SPECC1: variants seen among roughly 807,000 people sequenced by gnomAD.
SPECC1 encodes cytospin-B.
A neutral mutation model predicts 104.1 loss-of-function variants in SPECC1; 62 were observed. The observed-to-expected ratio is 0.60, with a 90% confidence interval of 0.49 to 0.74. The LOEUF is 0.74. SPECC1 is among the 30% of genes least tolerant of loss of function. The probability of loss-of-function intolerance (pLI) is 0.00; values close to 1 mark genes in which losing one functional copy is unlikely to be tolerated. For synonymous variants in SPECC1, 513 were observed against 501.6 expected, an observed-to-expected ratio of 1.02 and a Z score of -0.30; for missense variants, 1,306 against 1,310.5, an observed-to-expected ratio of 1.00 and a Z score of 0.05.
intron 3 of SPECC1, among the ~76,000 whole-genome samples, chr17:20,126,098 A>G (rs987903530): frequency 6.7e-6 from 1 of 149,510 alleles, no homozygotes; most frequent in African/African-American, 2.5e-5. Context: ...ATCTTTGCCA[A>G]CTCTTTCCAT....
chr17:20,286,438 C>A (rs1195318192), intron 12 of SPECC1, among the ~76,000 whole-genome samples: 1 of 152,196 alleles, frequency 6.6e-6, no homozygotes, highest in Non-Finnish European at 1.5e-5. Context: ...TGTGTTTCTT[C>A]TTAGTTTTGG....
At chr17:20,131,798 C>A (rs527375326) in intron 3 of SPECC1, among the ~76,000 whole-genome samples, 2 of 151,946 alleles carry the variant, frequency 1.3e-5, no homozygotes, top group Admixed American at 6.5e-5. Context: ...TACAGGTGCG[C>A]ACCACCACGC....
At chr17:20,060,520 CA>C (rs138819453) in intron 1 of SPECC1, among the ~76,000 whole-genome samples, 11,193 of 152,022 alleles carry the variant, frequency 0.074, 555 homozygotes, top group African/African-American at 0.14. Context: ...CCCACAAAAA[CA>C]AAAAAACAAT....
chr17:20,282,455 A>G (rs2040806118), intron 12 of SPECC1, among the ~76,000 whole-genome samples: 1 of 152,228 alleles, frequency 6.6e-6, no homozygotes, highest in African/African-American at 2.4e-5. Context: ...TAAAAAGTGA[A>G]TTATTCCAAA....
At chr17:20,264,837 TCAACG>T (rs2040164239) in intron 12 of SPECC1, among the ~76,000 whole-genome samples, 1 of 152,180 alleles carries the variant, frequency 6.6e-6, no homozygotes, top group Non-Finnish European at 1.5e-5. Context: ...CCATATGTAC[TCAACG>T]TTTAGCTCCC....
intron 1 of SPECC1, among the ~76,000 whole-genome samples, chr17:20,019,377 A>T (rs1244159419): frequency 6.6e-6 from 1 of 152,072 alleles, no homozygotes; most frequent in Non-Finnish European, 1.5e-5. Context: ...TCCCAGTCAG[A>T]TGGTCATGAA....
chr17:20,262,969 C>G (rs1360718105), intron 12 of SPECC1, among the ~76,000 whole-genome samples: 1 of 151,970 alleles, frequency 6.6e-6, no homozygotes, highest in Non-Finnish European at 1.5e-5. Flanking sequence ...GAGATAGCAC[C>G]ACTGTAGTGC....
At chr17:20,022,459 A>T (rs2044431993) in intron 1 of SPECC1, among the ~76,000 whole-genome samples, 1 of 152,160 alleles carries the variant, frequency 6.6e-6, no homozygotes, top group African/African-American at 2.4e-5. Flanking sequence ...GTTATACGTC[A>T]GCTTTTTGGT....
intron 7 of SPECC1, among the ~76,000 whole-genome samples, chr17:20,233,973 A>C (rs2038755423): frequency 1.3e-5 from 2 of 152,190 alleles, no homozygotes; most frequent in African/African-American, 4.8e-5. Context: ...CTTGTATGAG[A>C]TGCTGTGTTT....
At chr17:20,230,976 C>T (rs2526476) in intron 5 of SPECC1, among the ~76,000 whole-genome samples, 64,605 of 152,042 alleles carry the variant, frequency 0.42, 14,346 homozygotes, top group East Asian at 0.8. Context: ...TTCTGATTTG[C>T]ATCCTTCATA....
intron 3 of SPECC1, among the ~76,000 whole-genome samples, chr17:20,179,688 T>C (rs2034731202): frequency 6.6e-6 from 1 of 152,226 alleles, no homozygotes; most frequent in Non-Finnish European, 1.5e-5. Flanking sequence ...GATTCATCCA[T>C]CTCATTTGAA....
At chr17:20,283,848 C>A (rs1278292381) in intron 12 of SPECC1, among the ~76,000 whole-genome samples, 1 of 152,144 alleles carries the variant, frequency 6.6e-6, no homozygotes, top group African/African-American at 2.4e-5. Context: ...CTCAACCTCT[C>A]AAAGTGCTAG....
At chr17:20,299,580 GAAAA>G (rs2041499955) in intron 13 of SPECC1, among the ~76,000 whole-genome samples, 2 of 92,466 alleles carry the variant, frequency 2.2e-5, no homozygotes, top group South Asian at 6.7e-4. Flanking sequence ...AAAAAAAAAA[GAAAA>G]GAAAAAAAAC....
chr17:20,253,009 T>C (rs2039689904), intron 9 of SPECC1, among the ~76,000 whole-genome samples: 1 of 152,052 alleles, frequency 6.6e-6, no homozygotes. Context: ...TTTCATTTTC[T>C]CTACCTCCTC....
chr17:20,212,511 C>T (rs534602737), intron 4 of SPECC1, among the ~76,000 whole-genome samples: 3 of 152,298 alleles, frequency 2.0e-5, no homozygotes, highest in Middle Eastern at 3.4e-3. Context: ...CAGGGAAACT[C>T]CCCCTTATAT....
At chr17:20,295,688 C>T (rs1410927564) in intron 12 of SPECC1, among the ~76,000 whole-genome samples, 1 of 152,150 alleles carries the variant, frequency 6.6e-6, no homozygotes, top group African/African-American at 2.4e-5. Context: ...CCTGTTATTT[C>T]CTGACTTTTT....
intron 7 of SPECC1, among the ~76,000 whole-genome samples, chr17:20,234,526 G>A (rs1255926785): frequency 2.0e-5 from 3 of 152,228 alleles, no homozygotes; most frequent in Non-Finnish European, 4.4e-5. Context: ...AGCTCCGGAA[G>A]CCACCTAGTG....
At chr17:20,143,501 T>C (rs2031092922) in intron 3 of SPECC1, among the ~76,000 whole-genome samples, 1 of 150,936 alleles carries the variant, frequency 6.6e-6, no homozygotes, top group Non-Finnish European at 1.5e-5. Context: ...CTGGCCAACA[T>C]AGTGAAACCC....
At chr17:20,090,393 CACTT>C (rs2047353595) in intron 1 of SPECC1, among the ~76,000 whole-genome samples, 1 of 152,146 alleles carries the variant, frequency 6.6e-6, no homozygotes, top group Non-Finnish European at 1.5e-5. Context: ...CCTTTGTAAA[CACTT>C]CCTTTCTCAG....
Sources: allele counts gnomAD v4.1 joint callset (sites outside exome capture counted in the v4.1 genomes callset), GRCh38; gene constraint gnomAD v4.1.1; transcripts MANE v1.5; gene names NCBI Gene and HGNC (gene_info 2026-07-23, HGNC 2026-07-21).